The following OSBPL5 variants were observed in gnomAD, a reference collection of about 807,000 sequenced individuals.
OSBPL5 encodes oxysterol-binding protein-related protein 5.
OSBPL5 carries 71 observed loss-of-function variants against 111.2 expected under a neutral mutation model. That is an observed-to-expected ratio of 0.64 (90% CI 0.53 to 0.78). OSBPL5 has a LOEUF of 0.78. OSBPL5 is among the 30% of genes least tolerant of loss of function. The probability of loss-of-function intolerance (pLI) is 0.00; values close to 1 mark genes in which losing one functional copy is unlikely to be tolerated. For synonymous variants in OSBPL5, 549 were observed against 513.9 expected (o/e 1.07, Z -0.93); for missense variants, 1,210 against 1,189.3 (o/e 1.02, Z -0.26).
rs773282991 is a variant in OSBPL5, at chr11:3,142,480, G to A, written c.-21-13311C>T. Among the ~76,000 whole-genome samples the A allele has an allele frequency of 1.3e-5, 2 of 151,736 alleles. No individual in the cohort carries two copies. Among genetic ancestry groups the A allele is most frequent in the South Asian group, 2.1e-4 (1 of 4,822 alleles). On this transcript the variant is annotated intron_variant, in intron 1 of 21. Transcript: ENST00000263650. This position sits in a 1 kb window ranked among gnomAD's most constrained non-coding sequence, Gnocchi z 7.1. ...AGGATCCCTCCCCACTCGCTGCTCC[G>A]TGTCCCAGGAGGTCAGATTTCACCC...
rs1488073940 is a variant in OSBPL5, at chr11:3,154,910, T to C, written c.-22+10306A>G. On this transcript the variant is annotated intron_variant, in intron 1 of 21. Coordinates refer to ENST00000263650, the MANE Select transcript of OSBPL5 (RefSeq NM_020896.4). The surrounding 1 kb of genome is among the most constrained non-coding windows in gnomAD (Gnocchi z 4.9). The stretch of plus-strand genomic sequence containing the variant: ...TGCACATGTACCCTAGAACTTAAAG[T>C]ATAATAATAATAATAATAATAAAAA... Among the ~76,000 whole-genome samples, 5 of 150,868 alleles carry C rather than the reference T, an allele frequency of 3.3e-5. No homozygotes were observed. The highest frequency in any genetic ancestry group is 2.1e-4 in the South Asian group (1 of 4,786).
intron 7 of OSBPL5, among the ~76,000 whole-genome samples, chr11:3,115,006 T>A (rs572424158): frequency 6.6e-6 from 1 of 152,334 alleles, no homozygotes; most frequent in African/African-American, 2.4e-5. Flanking sequence ...CCAGTTTCAG[T>A]TTTCTCTTCC....
intron 19 of OSBPL5, among the ~76,000 whole-genome samples, chr11:3,090,985 C>T (rs943712840): frequency 2.6e-5 from 4 of 152,212 alleles, no homozygotes; most frequent in African/African-American, 9.6e-5. Flanking sequence ...CTGTGCTCAC[C>T]ATGGCGTTGC....
At position 3,146,468 on chromosome 11, in the gene OSBPL5, C is replaced by T. The variant is rs988997025; in HGVS notation, c.-21-17299G>A. 6.6e-6 allele frequency: 1 copy of T among 152,436 alleles called. No individual in the cohort carries two copies. The highest frequency in any genetic ancestry group is 1.5e-5 in the Non-Finnish European group (1 of 68,254). The allele number at this position is 152,436 out of a possible 1,614,324, so 9.4% of individuals were successfully genotyped here. A position where few individuals can be genotyped will look rare whatever the true frequency, so the allele number is the denominator to read the frequency against. On this transcript the variant is annotated intron_variant, in intron 1 of 21. Coordinates refer to ENST00000263650, the MANE Select transcript of OSBPL5 (RefSeq NM_020896.4). This position sits in a 1 kb window ranked among gnomAD's most constrained non-coding sequence, Gnocchi z 7.8. ...AGAGAATGCAGGTGGAGATTCTGGC[C>T]TGAGGAGAGGCTGGGTGGGACGTGG...
rs537776505 is a variant in OSBPL5 at position 3,132,797 on chromosome 11, G to A, written c.-21-3628C>T. Among the ~76,000 whole-genome samples, 6 of 152,294 alleles carry A rather than the reference G, an allele frequency of 3.9e-5. No homozygotes were observed. The South Asian group carries it at 8.3e-4, about 21-fold the overall frequency. The stretch of plus-strand genomic sequence containing the variant: ...TCCACATTGCACTTCTTTGTTCTTC[G>A]CACACACTTCTCCCACCAGATGCAG... On this transcript the variant is annotated intron_variant, in intron 1 of 21. Transcript: ENST00000263650.
chr11:3,094,350 T>G lies in OSBPL5; in HGVS notation c.1622-16A>C. 1.2e-6 allele frequency: 2 copies of G among 1,609,008 alleles called. No individual in the cohort carries two copies. Among genetic ancestry groups the G allele is most frequent in the Non-Finnish European group, 1.7e-6 (2 of 1,177,542 alleles). On this transcript the variant is annotated splice_polypyrimidine_tract_variant and intron_variant, in intron 14 of 21. Coordinates refer to ENST00000263650, the MANE Select transcript of OSBPL5 (RefSeq NM_020896.4). ...TACAGGATTCCTGAAATGCAGCCAG[T>G]GTCAGGGGCCAGGCGGCCCCAGCCC...
chr11:3,119,629 G>T lies in OSBPL5; in HGVS notation c.609C>A (p.Gly203=), dbSNP rs201523021. The change falls in exon 7 of 22, where the codon GGC becomes GGA. Residue 203 remains glycine, a splice_region_variant and synonymous_variant. Coordinates refer to ENST00000263650, the MANE Select transcript of OSBPL5 (RefSeq NM_020896.4). ...TGGAGCCCACGCTCTCACCTTTGGG[G>T]CCCTGGAGAGAGAGAGATCTGGGTG... ...PLDQSVWAVK[G]PKGESVGSIT... The T allele has an allele frequency of 6.3e-7, 1 of 1,578,528 alleles. No individual in the cohort carries two copies. The highest frequency in any genetic ancestry group is 1.9e-5 in the Admixed American group (1 of 53,262).
chr11:3,110,785 G>A lies in OSBPL5; in HGVS notation c.692-2840C>T, dbSNP rs757694879. On this transcript the variant is annotated intron_variant, in intron 7 of 21. Transcript: ENST00000263650. This position sits in a 1 kb window ranked among gnomAD's most constrained non-coding sequence, Gnocchi z 5.3. ...ACCTATGACCTGGAAGCCCCTCCCC[G>A]CTTGAAGTTGTCCCGCCTTTCCAGA... Among the ~76,000 whole-genome samples, 6 of 151,890 alleles carry A rather than the reference G, an allele frequency of 4.0e-5. No individual in the cohort carries two copies. The highest frequency in any genetic ancestry group is 2.1e-4 in the South Asian group (1 of 4,806).
Position 3,121,780 on chromosome 11 carries a change from G to A in OSBPL5, c.402+217C>T, listed in dbSNP as rs892743128. The A allele has an allele frequency of 1.7e-6, 1 of 583,234 alleles. No homozygotes were observed. The highest frequency in any genetic ancestry group is 3.1e-6 in the Non-Finnish European group (1 of 326,952). The allele number at this position is 583,234 out of a possible 1,614,324, so 36.1% of individuals were successfully genotyped here. A position where few individuals can be genotyped will look rare whatever the true frequency, so the allele number is the denominator to read the frequency against. ...GAAGATGGGGCTACACTGGAGTAAG[G>A]TGGCCCTAATTCCTACCACTGGTGT... On this transcript the variant is annotated intron_variant, in intron 5 of 21. Coordinates refer to ENST00000263650, the MANE Select transcript of OSBPL5 (RefSeq NM_020896.4). This position sits in a 1 kb window ranked among gnomAD's most constrained non-coding sequence, Gnocchi z 4.3.
In OSBPL5 at chr11:3,122,101, G is replaced by C; in HGVS notation, c.301-3C>G. ...TGCCGGTAGTTCTCCTTCTGCGCCT[G>C]GGCCCGGGGCACCCGCGGTGGGTCA... On this transcript the variant is annotated splice_polypyrimidine_tract_variant and splice_region_variant and intron_variant, in intron 4 of 21. Transcript: ENST00000263650. 6.4e-7 allele frequency: 1 copy of C among 1,560,938 alleles called. No individual in the cohort carries two copies. The highest frequency in any genetic ancestry group is 1.8e-5 in the Admixed American group (1 of 54,380).
chr11:3,121,151 A>G lies in OSBPL5; in HGVS notation c.403-527T>C, dbSNP rs1809031. 0.73 allele frequency among the ~76,000 whole-genome samples: 110,022 copies of G among 150,112 alleles called. 40,625 individuals are homozygous for G. The highest frequency in any genetic ancestry group is 0.77 in the Non-Finnish European group (52,203 of 67,630). On this transcript the variant is annotated intron_variant, in intron 5 of 21. Coordinates refer to ENST00000263650, the MANE Select transcript of OSBPL5 (RefSeq NM_020896.4). This position sits in a 1 kb window ranked among gnomAD's most constrained non-coding sequence, Gnocchi z 4.3. ...TGGCTCGCTGCAAACTCTGCCTCCCAGGTTCAAGCGATTCTCCTGCCTCAG... is the reference window on the plus strand; with the variant it reads ...TGGCTCGCTGCAAACTCTGCCTCCCGGGTTCAAGCGATTCTCCTGCCTCAG...
rs1564842044 is a variant in OSBPL5 at position 3,119,678 on chromosome 11, C to A, written c.607-47G>T. 3 of 1,541,896 alleles carry A rather than the reference C, an allele frequency of 1.9e-6. No homozygotes were observed. In the East Asian group the frequency reaches 7.5e-5, roughly 39 times the overall value. ...TGTCACCCGAGGCAACACCCAGGGC[C>A]AGCTGCACAGATAGGTCAGGCAGAA... On this transcript the variant is annotated intron_variant, in intron 6 of 21. Coordinates refer to ENST00000263650, the MANE Select transcript of OSBPL5 (RefSeq NM_020896.4).
At chr11:3,096,845 T>C (rs1857270407) in intron 14 of OSBPL5, among the ~76,000 whole-genome samples, 1 of 146,844 alleles carries the variant, frequency 6.8e-6, no homozygotes, top group Admixed American at 7.0e-5. Flanking sequence ...TGAAAAAATA[T>C]ATGAAGCATG....
Position 3,154,910 on chromosome 11 carries a change from TATA to T in OSBPL5, c.-22+10303_-22+10305del, listed in dbSNP as rs111640193. The stretch of plus-strand genomic sequence containing the variant: ...TGCACATGTACCCTAGAACTTAAAG[TATA>T]ATAATAATAATAATAATAAAAAGAG... On this transcript the variant is annotated intron_variant, in intron 1 of 21. Coordinates refer to ENST00000263650, the MANE Select transcript of OSBPL5 (RefSeq NM_020896.4). The surrounding 1 kb of genome is among the most constrained non-coding windows in gnomAD (Gnocchi z 4.9). Among the ~76,000 whole-genome samples the T allele has an allele frequency of 7.3e-5, 11 of 150,930 alleles. No individual in the cohort carries two copies. Among genetic ancestry groups the T allele is most frequent in the East Asian group, 2.0e-4 (1 of 5,124 alleles).
rs569136990 is a variant in OSBPL5 at position 3,128,970 on chromosome 11, C to T, written c.136+43G>A. On this transcript the variant is annotated intron_variant, in intron 2 of 21. Transcript: ENST00000263650. ...GCCGCCCGGGGTCACCCCACCGGGCCCAAGCTGAGGGCCAGGTTGCCCTGC... is the reference window on the plus strand; with the variant it reads ...GCCGCCCGGGGTCACCCCACCGGGCTCAAGCTGAGGGCCAGGTTGCCCTGC... The T allele has an allele frequency of 8.9e-6, 13 of 1,460,418 alleles. No individual in the cohort carries two copies. The Admixed American group carries it at 3.4e-4, about 38-fold the overall frequency. The allele number at this position is 1,460,418 out of a possible 1,614,324, so 90.5% of individuals were successfully genotyped here.
chr11:3,115,088 C>T (rs1329883819), intron 7 of OSBPL5, among the ~76,000 whole-genome samples: 2 of 152,114 alleles, frequency 1.3e-5, no homozygotes, highest in East Asian at 3.8e-4. Context: ...TGTTTTCCTC[C>T]TCAGGTTCTG....
intron 1 of OSBPL5, among the ~76,000 whole-genome samples, chr11:3,150,911 C>T (rs942640792): frequency 1.3e-5 from 2 of 152,178 alleles, no homozygotes; most frequent in African/African-American, 4.8e-5. Context: ...GGAGTCACGG[C>T]GGGCTGCCCG....
chr11:3,107,324 G>A lies in OSBPL5; in HGVS notation c.998C>T (p.Pro333Leu), dbSNP rs570493262. 22 of 1,613,926 alleles carry A rather than the reference G, an allele frequency of 1.4e-5. No homozygotes were observed. The African/African-American group carries it at 2.7e-4, about 20-fold the overall frequency. The stretch of plus-strand genomic sequence containing the variant: ...GGTCCCTCTCCGCACCGGGGCCCCA[G>A]GGGTCTCTGACTGGTCGCTGCCACT... Reference protein sequence around the residue: ...TESGSDQSETPGAPVRRGTTY... With the variant: ...TESGSDQSETLGAPVRRGTTY... The change falls in exon 9 of 22, where the codon CCT (proline) becomes CTT (leucine). Residue 333 changes from proline (P) to leucine (L), a missense_variant. Coordinates refer to ENST00000263650, the MANE Select transcript of OSBPL5 (RefSeq NM_020896.4). This position sits in a 1 kb window ranked among gnomAD's most constrained non-coding sequence, Gnocchi z 6.1.
intron 5 of OSBPL5, among the ~76,000 whole-genome samples, chr11:3,120,854 G>A (rs570399064): frequency 9.3e-4 from 142 of 152,328 alleles, no homozygotes; most frequent in African/African-American, 3.3e-3. Context: ...CACGGCAAGC[G>A]GTGCCCCAGG....
Sources: allele counts gnomAD v4.1 joint callset (sites outside exome capture counted in the v4.1 genomes callset), GRCh38; gene constraint gnomAD v4.1.1; non-coding constraint Gnocchi (gnomAD v3.1); transcripts MANE v1.5; gene names NCBI Gene and HGNC (gene_info 2026-07-23, HGNC 2026-07-21).